The following PSG1 variants were observed in gnomAD, a reference collection of about 807,000 sequenced individuals.
The protein encoded by PSG1 is pregnancy-specific beta-1-glycoprotein 1.
Under a neutral mutation model 41.4 loss-of-function variants are expected in PSG1, and 60 were observed. The ratio of observed to expected loss-of-function variants is 1.45; its 90% confidence interval spans 1.18 to 1.80. PSG1 has a LOEUF of 1.80. PSG1 is among the 40% of genes most tolerant of loss of function. The pLI is 0.00. For missense variants in PSG1, 806 were observed against 516.9 expected (o/e 1.56, Z -5.42); for synonymous variants, 256 against 192.9 (o/e 1.33, Z -2.71).
At position 42,872,011 on chromosome 19, in the gene PSG1, G is replaced by C; in HGVS notation, c.465C>G (p.Asn155Lys). 6.2e-7 allele frequency: 1 copy of C among 1,612,408 alleles called. No homozygotes were observed. The highest frequency in any genetic ancestry group is 8.5e-7 in the Non-Finnish European group (1 of 1,179,174). ...CCTCCATGGTCTCCCTGGGATTTAA[G>C]TTGCTGCTGGAGATGGAGGGCTTAG... Reference protein sequence around the residue: ...ETPKPSISSSNLNPRETMEAV... With the variant: ...ETPKPSISSSKLNPRETMEAV... Residue 155 changes from asparagine (N) to lysine (K), a missense_variant, in exon 3 of 6, where the codon AAC (asparagine) becomes AAG (lysine). Transcript: ENST00000436291.
chr19:42,869,555 A>G (rs1462184178), intron 3 of PSG1: 1 of 167,148 alleles, frequency 6.0e-6, no homozygotes, highest in Admixed American at 5.5e-5. Context: ...TTCAGCAGAA[A>G]TAACACAGGG....
Position 42,871,896 on chromosome 19 carries a change from T to G in PSG1, c.580A>C (p.Lys194Gln), listed in dbSNP as rs1058689. Residue 194 changes from lysine (K) to glutamine (Q), a missense_variant, in exon 3 of 6, where the codon AAG becomes CAG. By Grantham distance (53) the Lys-to-Gln change is moderately conservative (BLOSUM62 1). Transcript: ENST00000436291. ...GQSLPMTHSL[K>Q]LSETNRTLFL... ...AGGGTCCTGTTGGTTTCGGACAGCT[T>G]CAAGCTGTGAGTCATAGGGAGGCTC... is the stretch of plus-strand genomic sequence containing the variant. 132 of 1,612,312 alleles carry G rather than the reference T, an allele frequency of 8.2e-5. 2 individuals are homozygous for G. In the Middle Eastern group the frequency reaches 8.2e-4, roughly 10 times the overall value.
chr19:42,879,034 G>T (rs1971747638), intron 1 of PSG1, among the ~76,000 whole-genome samples: 1 of 151,610 alleles, frequency 6.6e-6, no homozygotes, highest in African/African-American at 2.4e-5. Context: ...GAACACTTAA[G>T]ATTTTCCTAC....
rs748441658 is a variant in PSG1 at position 42,879,248 on chromosome 19, G to T, written c.64+270C>A. ...GCTATCTGCAACTTCTGCCTCCCGG[G>T]TTCACGTGATTCTCCTGCCTCAGCC... On this transcript the variant is annotated intron_variant, in intron 1 of 5. Coordinates refer to ENST00000436291, the MANE Select transcript of PSG1 (RefSeq NM_001184825.2). 2.0e-5 allele frequency among the ~76,000 whole-genome samples: 3 copies of T among 150,410 alleles called. 1 individual carries two copies. The South Asian group carries it at 6.4e-4, about 32-fold the overall frequency.
At chr19:42,868,727 T>A (rs1380816762) in intron 4 of PSG1, 29 bp downstream of exon 4, 1 of 1,609,314 alleles carries the variant, frequency 6.2e-7, no homozygotes, top group Non-Finnish European at 8.5e-7. Flanking sequence ...GCTGGTGTCC[T>A]GGCCCACAGA....
intron 1 of PSG1, among the ~76,000 whole-genome samples, chr19:42,878,734 T>G (rs1339628404): frequency 2.0e-5 from 3 of 149,676 alleles, no homozygotes; most frequent in African/African-American, 7.4e-5. Flanking sequence ...ATTCTAGATC[T>G]CTTTGCATGT....
Position 42,877,982 on chromosome 19 carries a change from T to C in PSG1, c.361A>G (p.Thr121Ala), listed in dbSNP as rs1243058167. ...TCATCTCCCTTTATGATGTGTAAGG[T>C]GTAGGATCCTGCGTCCTCCCGGGTG... ...NVTREDAGSY[T>A]LHIIKGDDGT... Residue 121 changes from threonine (T) to alanine (A), a missense_variant, in exon 2 of 6, where the codon ACC (threonine) becomes GCC (alanine). Transcript: ENST00000436291. 1 of 1,612,376 alleles carries C rather than the reference T, an allele frequency of 6.2e-7. No homozygotes were observed. Among genetic ancestry groups the C allele is most frequent in the East Asian group, 2.2e-5 (1 of 44,790 alleles).
chr19:42,868,414 G>C, intron 4 of PSG1, 59 bp from the exon 5 acceptor site: 4 of 1,531,988 alleles, frequency 2.6e-6, no homozygotes, highest in Non-Finnish European at 3.5e-6. Context: ...GATGTTCCTG[G>C]TCTCTTAAAG....
rs111599182 is a variant in PSG1 at position 42,868,809 on chromosome 19, A to G, written c.935T>C (p.Ile312Thr). The change falls in exon 4 of 6, where the codon ATA becomes ACA. Residue 312 changes from isoleucine to threonine, a missense_variant. Physicochemically the swap from Ile to Thr is moderately conservative, Grantham distance 89. Coordinates refer to ENST00000436291, the MANE Select transcript of PSG1 (RefSeq NM_001184825.2). ...GCGGATGCCACCATATCGGTCCCGTATTTCACATTGATAGGGTCCTGTTTC... is the reference window on the plus strand; with the variant it reads ...GCGGATGCCACCATATCGGTCCCGTGTTTCACATTGATAGGGTCCTGTTTC... ...RNETGPYQCEIRDRYGGIRSD... is the reference protein window; with the variant it reads ...RNETGPYQCETRDRYGGIRSD... 5,029 of 1,611,898 alleles carry G rather than the reference A, an allele frequency of 3.1e-3. 223 individuals are homozygous for G. The African/African-American group carries it at 0.058, about 19-fold the overall frequency.
chr19:42,873,616 C>T lies in PSG1; in HGVS notation c.431-1571G>A, dbSNP rs1048687539. 5.3e-5 allele frequency among the ~76,000 whole-genome samples: 8 copies of T among 151,588 alleles called. 1 individual carries two copies. Among genetic ancestry groups the T allele is most frequent in the Non-Finnish European group, 7.4e-5 (5 of 67,888 alleles). ...AGACCAAAATAAGGTTTAGGTGTGC[C>T]GTGAATTCCAGCAGGATCACGTTAT... On this transcript the variant is annotated intron_variant, in intron 2 of 5. Transcript: ENST00000436291.
chr19:42,868,926 C>A lies in PSG1; in HGVS notation c.818G>T (p.Trp273Leu), dbSNP rs143301512. The A allele has an allele frequency of 2.1e-5, 34 of 1,610,388 alleles. 1 individual carries two copies. Among genetic ancestry groups the A allele is most frequent in the African/African-American group, 4.0e-5 (3 of 74,742 alleles). ...CGGGAGGCTCTGACCATTTAGCCAC[C>A]AAATGTAGGTGTAGTTCTCACTCTT... ...EPKSENYTYIWWLNGQSLPVS... is the reference protein window; with the variant it reads ...EPKSENYTYILWLNGQSLPVS... The change falls in exon 4 of 6, where the codon TGG (tryptophan) becomes TTG (leucine). Residue 273 changes from tryptophan (W) to leucine (L), a missense_variant. Physicochemically the swap from Trp to Leu is moderately conservative, Grantham distance 61. Transcript: ENST00000436291.
chr19:42,876,610 G>T (rs1971618525), intron 2 of PSG1: 2 of 329,324 alleles, frequency 6.1e-6, no homozygotes, highest in Non-Finnish European at 5.9e-6. Context: ...AGTGGGGAAA[G>T]AAAACAAGGT....
At chr19:42,869,141 C>T in intron 3 of PSG1, 107 bp from the exon 4 acceptor site, 1 of 1,549,740 alleles carries the variant, frequency 6.5e-7, no homozygotes, top group South Asian at 1.3e-5. Flanking sequence ...CACCCGAGTC[C>T]TTGAAAGCCA....
chr19:42,874,794 G>C (rs1448636863), intron 2 of PSG1, among the ~76,000 whole-genome samples: 2 of 151,530 alleles, frequency 1.3e-5, no homozygotes, highest in African/African-American at 2.4e-5. Context: ...CTCCATAGCA[G>C]GTTGAGGATG....
intron 2 of PSG1, among the ~76,000 whole-genome samples, chr19:42,873,419 G>T (rs539488871): frequency 1.3e-5 from 2 of 151,534 alleles, no homozygotes; most frequent in Admixed American, 1.3e-4. Context: ...TGCTCAATTT[G>T]TAACAGTGTA....
At chr19:42,872,582 A>G (rs929794108) in intron 2 of PSG1, among the ~76,000 whole-genome samples, 1 of 151,650 alleles carries the variant, frequency 6.6e-6, no homozygotes, top group Non-Finnish European at 1.5e-5. Context: ...ACCAGAGTCA[A>G]GCCTGGAGGT....
At chr19:42,875,812 A>G (rs1475244291) in intron 2 of PSG1, among the ~76,000 whole-genome samples, 1 of 137,500 alleles carries the variant, frequency 7.3e-6, no homozygotes, top group East Asian at 2.1e-4. Flanking sequence ...ATTTTATTTT[A>G]TTTATTTATT....
intron 3 of PSG1, among the ~76,000 whole-genome samples, chr19:42,871,502 A>T (rs751986717): frequency 9.9e-5 from 15 of 151,762 alleles, no homozygotes; most frequent in Admixed American, 2.0e-4. Flanking sequence ...CTGTGTTCAC[A>T]GATCTGGAGC....
In PSG1 at chr19:42,866,985, T is replaced by C; in HGVS notation, c.*149A>G. 1.3e-6 allele frequency: 1 copy of C among 762,768 alleles called. No homozygotes were observed. The highest frequency in any genetic ancestry group is 2.4e-6 in the Non-Finnish European group (1 of 416,606). 47.2% of individuals were successfully genotyped at this position (762,768 alleles called of 1,614,324 possible). The stretch of plus-strand genomic sequence containing the variant: ...TATGGTGTCGAATATTTTGGTGAGT[T>C]CTGAGTGGCTCATGCTTCACGTACA... On this transcript the variant is annotated 3_prime_UTR_variant, in exon 6 of 6. Coordinates refer to ENST00000436291, the MANE Select transcript of PSG1 (RefSeq NM_001184825.2).
Sources: gnomAD v4.1 joint callset for allele counts (sites outside exome capture counted in the v4.1 genomes callset) on GRCh38, gnomAD v4.1.1 for gene constraint, MANE v1.5 for transcripts, NCBI Gene and HGNC (gene_info 2026-07-23, HGNC 2026-07-21) for gene names.